Variants in ZBTB5 observed in about 807,000 individuals in gnomAD.
The protein encoded by ZBTB5 is zinc finger and BTB domain containing 5.
ZBTB5 carries 15 observed loss-of-function variants against 37.9 expected under a neutral mutation model. The observed-to-expected ratio is 0.40, with a 90% CI of 0.26 to 0.61. The LOEUF is 0.61. Ranked by LOEUF, ZBTB5 falls within the 20% of genes least tolerant of loss-of-function variation. The pLI, the probability that ZBTB5 is intolerant of heterozygous loss-of-function variation, is 0.47. For synonymous variants in ZBTB5, 315 were observed against 312.4 expected (o/e 1.01, Z -0.09); for missense variants, 708 against 856.8 (o/e 0.83, Z 2.17).
intron 1 of ZBTB5, among the ~76,000 whole-genome samples, chr9:37,443,459 A>C (rs1823921791): frequency 6.6e-6 from 1 of 152,160 alleles, no homozygotes; most frequent in African/African-American, 2.4e-5. Flanking sequence ...GTGCTAACTG[A>C]CTCAGCACAC....
rs111813981 is a variant in ZBTB5, at chr9:37,450,864, C to CA, written c.-4-8310dup. Among the ~76,000 whole-genome samples, 636 of 125,552 alleles carry CA rather than the reference C, an allele frequency of 5.1e-3. 2 individuals are homozygous for CA. Among genetic ancestry groups the CA allele is most frequent in the African/African-American group, 0.013 (424 of 33,700 alleles). The allele number at this position is 125,552 out of a possible 152,430, so 82.4% of individuals were successfully genotyped here. Reference sequence around the variant, plus strand: ...TGGGCAACAGAGCAAAACTCCATCTCAAAAAAAAAAAAATGAATTAGCTCC... The same window carrying CA: ...TGGGCAACAGAGCAAAACTCCATCTCAAAAAAAAAAAAAATGAATTAGCTCC... On this transcript the variant is annotated intron_variant, in intron 1 of 1. Coordinates refer to ENST00000307750, the MANE Select transcript of ZBTB5 (RefSeq NM_014872.3).
rs1824372450 is a variant in ZBTB5, at chr9:37,465,290, G to C, written c.-80C>G. 6.6e-6 allele frequency: 1 copy of C among 152,154 alleles called. No individual in the cohort carries two copies. Among genetic ancestry groups the C allele is most frequent in the Non-Finnish European group, 1.5e-5 (1 of 68,046 alleles). The allele number at this position is 152,154 out of a possible 1,614,324, so 9.4% of individuals were successfully genotyped here. On this transcript the variant is annotated 5_prime_UTR_variant, in exon 1 of 2. Coordinates refer to ENST00000307750, the MANE Select transcript of ZBTB5 (RefSeq NM_014872.3). ...TCTCCGATCGGACTCGGCAGTGTCA[G>C]AGGAGGTGGGAACGTCCTGACCAGC... is the stretch of plus-strand genomic sequence containing the variant.
rs565528767 is a variant in ZBTB5 at position 37,439,085 on chromosome 9, CAT to C, written c.*1431_*1432del. On this transcript the variant is annotated 3_prime_UTR_variant, in exon 2 of 2. Coordinates refer to ENST00000307750, the MANE Select transcript of ZBTB5 (RefSeq NM_014872.3). Reference sequence around the variant, plus strand: ...GTATGTCTAAGAAAGCTATATAAAACATAAAATGAACTCATGTTCATGCATGA... The same window carrying C: ...GTATGTCTAAGAAAGCTATATAAAACAAAATGAACTCATGTTCATGCATGA... The C allele has an allele frequency of 2.6e-5, 4 of 152,214 alleles. No homozygotes were observed. The highest frequency in any genetic ancestry group is 1.3e-4 in the Admixed American group (2 of 15,292). 9.4% of individuals were successfully genotyped at this position (152,214 alleles called of 1,614,324 possible).
In ZBTB5 at chr9:37,441,029, C is replaced by G. The variant is rs1157034584; in HGVS notation, c.1523G>C (p.Arg508Thr). The change falls in exon 2 of 2, where the codon AGG (arginine) becomes ACG (threonine). Residue 508 changes from arginine (R) to threonine (T), a missense_variant. Arg to Thr is a moderately conservative substitution (Grantham distance 71, BLOSUM62 -1). Coordinates refer to ENST00000307750, the MANE Select transcript of ZBTB5 (RefSeq NM_014872.3). ...GGEQFGMDFS[R>T]SGLGLHSSFS... The stretch of plus-strand genomic sequence containing the variant: ...GGAGGAGTGGAGGCCCAAACCAGAC[C>G]TGGAAAAGTCCATCCCAAACTGTTC... 6.2e-7 allele frequency: 1 copy of G among 1,614,174 alleles called. No individual in the cohort carries two copies. Among genetic ancestry groups the G allele is most frequent in the Admixed American group, 1.7e-5 (1 of 60,016 alleles).
chr9:37,444,382 A>G (rs1318348682), intron 1 of ZBTB5, among the ~76,000 whole-genome samples: 1 of 152,082 alleles, frequency 6.6e-6, no homozygotes, highest in Non-Finnish European at 1.5e-5. Flanking sequence ...TATTTTTAGT[A>G]GAGACAGGGG....
Position 37,440,459 on chromosome 9 carries a change from T to A in ZBTB5, c.*59A>T. On this transcript the variant is annotated 3_prime_UTR_variant, in exon 2 of 2. Transcript: ENST00000307750. ...CCTCGAACCCAAAGGCATTAACTGC[T>A]TACCAAAAGAAATTCAGTCTGACAA... 6.5e-7 allele frequency: 1 copy of A among 1,532,166 alleles called. No individual in the cohort carries two copies. Among genetic ancestry groups the A allele is most frequent in the Non-Finnish European group, 8.9e-7 (1 of 1,120,748 alleles). The allele number at this position is 1,532,166 out of a possible 1,614,324, so 94.9% of individuals were successfully genotyped here.
chr9:37,442,467 C>T lies in ZBTB5; in HGVS notation c.85G>A (p.Val29Ile), dbSNP rs771545436. 5 of 1,614,192 alleles carry T rather than the reference C, an allele frequency of 3.1e-6. No homozygotes were observed. Among genetic ancestry groups the T allele is most frequent in the Admixed American group, 1.7e-5 (1 of 60,028 alleles). Residue 29 changes from valine (V) to isoleucine (I), a missense_variant, in exon 2 of 2, where the codon GTA (valine) becomes ATA (isoleucine). Physicochemically the swap from Val to Ile is conservative, Grantham distance 29. Coordinates refer to ENST00000307750, the MANE Select transcript of ZBTB5 (RefSeq NM_014872.3). The stretch of plus-strand genomic sequence containing the variant: ...GCTTTAAAGTGTCTATTCCCCACTA[C>T]AATGACACAATCACAGAGCTGGCCA... ...LHGQLCDCVI[V>I]VGNRHFKAHR...
intron 1 of ZBTB5, among the ~76,000 whole-genome samples, chr9:37,455,794 A>T (rs189728251): frequency 5.9e-5 from 9 of 152,272 alleles, no homozygotes; most frequent in Admixed American, 5.9e-4. Context: ...ATGAAAACAA[A>T]AGTCAGAGAG....
Position 37,440,499 on chromosome 9 carries a change from G to C in ZBTB5, c.*19C>G, listed in dbSNP as rs746044862. 1 of 1,609,336 alleles carries C rather than the reference G, an allele frequency of 6.2e-7. No individual in the cohort carries two copies. Among genetic ancestry groups the C allele is most frequent in the Non-Finnish European group, 8.5e-7 (1 of 1,176,346 alleles). ...CAGTCTGACAACTGGCCTCAGCGTT[G>C]TCTTGTAAGGACAAACAGCTAGAGC... On this transcript the variant is annotated 3_prime_UTR_variant, in exon 2 of 2. Coordinates refer to ENST00000307750, the MANE Select transcript of ZBTB5 (RefSeq NM_014872.3).
At position 37,439,087 on chromosome 9, in the gene ZBTB5, TA is replaced by T. The variant is rs1823799538; in HGVS notation, c.*1430del. 1 of 152,212 alleles carries T rather than the reference TA, an allele frequency of 6.6e-6. No homozygotes were observed. Among genetic ancestry groups the T allele is most frequent in the Non-Finnish European group, 1.5e-5 (1 of 68,026 alleles). 9.4% of individuals were successfully genotyped at this position (152,212 alleles called of 1,614,324 possible). The stretch of plus-strand genomic sequence containing the variant: ...ATGTCTAAGAAAGCTATATAAAACA[TA>T]AAATGAACTCATGTTCATGCATGAA... On this transcript the variant is annotated 3_prime_UTR_variant, in exon 2 of 2. Transcript: ENST00000307750.
chr9:37,461,149 T>C (rs1398716702), intron 1 of ZBTB5, among the ~76,000 whole-genome samples: 2 of 152,220 alleles, frequency 1.3e-5, no homozygotes, highest in Non-Finnish European at 2.9e-5. Context: ...CTAAGTAACT[T>C]AAATGTGTTT....
chr9:37,452,029 ACC>A (rs1824113487), intron 1 of ZBTB5, among the ~76,000 whole-genome samples: 1 of 151,988 alleles, frequency 6.6e-6, no homozygotes, highest in South Asian at 2.1e-4. Context: ...TAGAATCCCA[ACC>A]CCTCTCATTC....
rs1275694359 is a variant in ZBTB5 at position 37,441,238 on chromosome 9, G to A, written c.1314C>T (p.Cys438=). 1.9e-6 allele frequency: 3 copies of A among 1,614,208 alleles called. No individual in the cohort carries two copies. The highest frequency in any genetic ancestry group is 1.1e-5 in the South Asian group (1 of 91,082). Residue 438 remains cysteine, a synonymous_variant, in exon 2 of 2, where the codon TGC becomes TGT. Coordinates refer to ENST00000307750, the MANE Select transcript of ZBTB5 (RefSeq NM_014872.3). ...DDNIPNTTSD[C]RLESEAPYLL... Reference sequence around the variant, plus strand: ...AATAGGGGGCCTCACTCTCCAGCCTGCAGTCACTAGTGGTGTTTGGAATAT... The same window carrying A: ...AATAGGGGGCCTCACTCTCCAGCCTACAGTCACTAGTGGTGTTTGGAATAT...
chr9:37,457,449 C>T (rs915384497), intron 1 of ZBTB5, among the ~76,000 whole-genome samples: 1 of 152,180 alleles, frequency 6.6e-6, no homozygotes, highest in African/African-American at 2.4e-5. Context: ...TGGCTGGTCT[C>T]GAACTCCTGG....
At chr9:37,457,628 T>A (rs1824215555) in intron 1 of ZBTB5, among the ~76,000 whole-genome samples, 3 of 152,254 alleles carry the variant, frequency 2.0e-5, no homozygotes. Context: ...TTAGTGGAAA[T>A]AAGATATACA....
chr9:37,455,426 C>G (rs1365809657), intron 1 of ZBTB5, among the ~76,000 whole-genome samples: 3 of 152,214 alleles, frequency 2.0e-5, no homozygotes, highest in African/African-American at 7.2e-5. Flanking sequence ...CCAATTCTTC[C>G]TGGATGCTGG....
chr9:37,446,073 C>T (rs1354230145), intron 1 of ZBTB5, among the ~76,000 whole-genome samples: 1 of 152,110 alleles, frequency 6.6e-6, no homozygotes, highest in Non-Finnish European at 1.5e-5. Context: ...CTGCACTGCA[C>T]TGCAACCTGG....
chr9:37,463,552 T>C (rs1284589837), intron 1 of ZBTB5, among the ~76,000 whole-genome samples: 4 of 152,216 alleles, frequency 2.6e-5, no homozygotes, highest in Non-Finnish European at 5.9e-5. Flanking sequence ...ACACAAGATA[T>C]TTTAAAGTCT....
At chr9:37,443,880 C>T (rs577608705) in intron 1 of ZBTB5, among the ~76,000 whole-genome samples, 2 of 151,706 alleles carry the variant, frequency 1.3e-5, no homozygotes, top group East Asian at 1.9e-4. Flanking sequence ...GAGCAGAGAT[C>T]GCACTGCTGC....
Sources: allele counts gnomAD v4.1 joint callset (sites outside exome capture counted in the v4.1 genomes callset), GRCh38; gene constraint gnomAD v4.1.1; transcripts MANE v1.5; gene names NCBI Gene and HGNC (gene_info 2026-07-23, HGNC 2026-07-21).